CYP46A1: variants seen among roughly 807,000 people sequenced by gnomAD.
CYP46A1 encodes the protein cholesterol 24-hydroxylase.
In CYP46A1, 20 loss-of-function variants were observed where a neutral mutation model predicts 63.3. The observed-to-expected ratio is 0.32, with a 90% CI of 0.22 to 0.46. CYP46A1 has a LOEUF of 0.46. Ranked by LOEUF, CYP46A1 falls within the 20% of genes least tolerant of loss-of-function variation. CYP46A1 has a pLI of 1.00. For synonymous variants in CYP46A1, 268 were observed against 273.6 expected, an observed-to-expected ratio of 0.98 and a Z score of 0.20; for missense variants, 445 against 670.8, an observed-to-expected ratio of 0.66 and a Z score of 3.72.
At position 99,725,505 on chromosome 14, in the gene CYP46A1, G is replaced by T; in HGVS notation, c.1265+26G>T. 1.3e-6 allele frequency: 2 copies of T among 1,571,420 alleles called. No individual in the cohort carries two copies. Among genetic ancestry groups the T allele is most frequent in the Non-Finnish European group, 1.8e-6 (2 of 1,141,112 alleles). Reference sequence around the variant, plus strand: ...GTAAGTCCCTCCTGGAGCTGCCCATGAGTGGGGCTGGCGGGAGAAGGACAG... The same window carrying T: ...GTAAGTCCCTCCTGGAGCTGCCCATTAGTGGGGCTGGCGGGAGAAGGACAG... On this transcript the variant is annotated intron_variant, in intron 13 of 14. Coordinates refer to ENST00000261835, the MANE Select transcript of CYP46A1 (RefSeq NM_006668.2). This position sits in a 1 kb window ranked among gnomAD's most constrained non-coding sequence, Gnocchi z 4.2.
chr14:99,715,299 A>T (rs747299660), intron 7 of CYP46A1, among the ~76,000 whole-genome samples: 1 of 152,214 alleles, frequency 6.6e-6, no homozygotes, highest in Non-Finnish European at 1.5e-5. Flanking sequence ...ATAGATTTTT[A>T]AAAAGATGGC....
Position 99,706,654 on chromosome 14 carries a change from G to A in CYP46A1, c.451G>A (p.Val151Ile). ...IDLAFSRSSL[V>I]SLMETFNEKA... Reference sequence around the variant, plus strand: ...CCTGTGCTGTTTCTCCAGCTCCTTGGTTAGCTTAATGGAAACATTCAACGA... The same window carrying A: ...CCTGTGCTGTTTCTCCAGCTCCTTGATTAGCTTAATGGAAACATTCAACGA... Residue 151 changes from valine to isoleucine, a missense_variant, in exon 6 of 15, where the codon GTT (valine) becomes ATT (isoleucine). Coordinates refer to ENST00000261835, the MANE Select transcript of CYP46A1 (RefSeq NM_006668.2). 3.1e-6 allele frequency: 5 copies of A among 1,613,884 alleles called. No individual in the cohort carries two copies. The highest frequency in any genetic ancestry group is 4.2e-6 in the Non-Finnish European group (5 of 1,179,994).
chr14:99,726,793 G>A lies in CYP46A1; in HGVS notation c.*66G>A, dbSNP rs1595212546. 5.3e-6 allele frequency: 7 copies of A among 1,319,000 alleles called. No individual in the cohort carries two copies. Among genetic ancestry groups the A allele is most frequent in the South Asian group, 3.2e-5 (2 of 63,272 alleles). 81.7% of individuals were successfully genotyped at this position (1,319,000 alleles called of 1,614,324 possible). A position where few individuals can be genotyped will look rare whatever the true frequency, so the allele number is the denominator to read the frequency against. On this transcript the variant is annotated 3_prime_UTR_variant, in exon 15 of 15. Coordinates refer to ENST00000261835, the MANE Select transcript of CYP46A1 (RefSeq NM_006668.2). ...GTGCCCGCCCACCTCTGCTGCCCAC[G>A]GCCACCCACCCTTCTCCCCTGCCCC...
At chr14:99,713,594 C>G (rs1432693001) in intron 7 of CYP46A1, among the ~76,000 whole-genome samples, 1 of 151,798 alleles carries the variant, frequency 6.6e-6, no homozygotes, top group African/African-American at 2.4e-5. Flanking sequence ...AATAGACAAA[C>G]GTGGCCAGGC....
chr14:99,710,324 T>C (rs1451164725), intron 7 of CYP46A1: 1 of 152,150 alleles, frequency 6.6e-6, no homozygotes, highest in Admixed American at 6.5e-5. Context: ...AGTAAGTCCT[T>C]ACCTATCAAT....
chr14:99,723,293 C>T (rs2056866220), intron 12 of CYP46A1, among the ~76,000 whole-genome samples: 1 of 152,170 alleles, frequency 6.6e-6, no homozygotes, highest in Non-Finnish European at 1.5e-5. Flanking sequence ...TTACGGCATA[C>T]ATTTATTTAC....
chr14:99,712,347 C>T (rs1409183548), intron 7 of CYP46A1: 1 of 152,140 alleles, frequency 6.6e-6, no homozygotes. Flanking sequence ...AAGAAGAAGT[C>T]AAACTGTCCC....
intron 3 of CYP46A1, among the ~76,000 whole-genome samples, chr14:99,696,607 G>C (rs1472750007): frequency 6.6e-6 from 1 of 152,004 alleles, no homozygotes; most frequent in Non-Finnish European, 1.5e-5. Flanking sequence ...TTTATTTGCT[G>C]TACTTTTCTT....
intron 5 of CYP46A1, among the ~76,000 whole-genome samples, chr14:99,702,965 C>T (rs1295734715): frequency 6.6e-6 from 1 of 152,162 alleles, no homozygotes; most frequent in Non-Finnish European, 1.5e-5. Context: ...ACTTTAGCCC[C>T]CTTTATTCTA....
At chr14:99,687,149 C>A (rs1375134441) in intron 1 of CYP46A1, among the ~76,000 whole-genome samples, 4 of 152,154 alleles carry the variant, frequency 2.6e-5, no homozygotes, top group Non-Finnish European at 5.9e-5. Flanking sequence ...GCTTTTCTTA[C>A]CACATCCTAC....
At chr14:99,724,435 T>C (rs1212902961) in intron 12 of CYP46A1, among the ~76,000 whole-genome samples, 1 of 152,156 alleles carries the variant, frequency 6.6e-6, no homozygotes, top group Non-Finnish European at 1.5e-5. Context: ...CCTGTACCAA[T>C]ACCACTGTGC....
chr14:99,715,016 A>T (rs1595200909), intron 7 of CYP46A1, among the ~76,000 whole-genome samples: 1 of 152,218 alleles, frequency 6.6e-6, no homozygotes, highest in East Asian at 1.9e-4. Flanking sequence ...GAGTGGGGGG[A>T]TGAAGAGAAG....
chr14:99,707,515 A>T, intron 6 of CYP46A1, 53 bp from the exon 7 acceptor site: 2 of 1,473,698 alleles, frequency 1.4e-6, no homozygotes, highest in Non-Finnish European at 1.9e-6. Flanking sequence ...TTTGCCCTGG[A>T]TCTGCTGCCC....
chr14:99,718,594 C>T (rs1327922701), intron 10 of CYP46A1, among the ~76,000 whole-genome samples: 1 of 152,134 alleles, frequency 6.6e-6, no homozygotes, highest in African/African-American at 2.4e-5. Context: ...AGGAGGGTGT[C>T]CCTGGGGAGG....
At chr14:99,687,659 C>G (rs1300022075) in intron 1 of CYP46A1, among the ~76,000 whole-genome samples, 2 of 152,246 alleles carry the variant, frequency 1.3e-5, no homozygotes, top group Admixed American at 1.3e-4. Context: ...GGCCTCTCCT[C>G]GTTCACTGGC....
At position 99,721,297 on chromosome 14, in the gene CYP46A1, C is replaced by T. The variant is rs778862126; in HGVS notation, c.1039C>T (p.Leu347=). 5.6e-6 allele frequency: 9 copies of T among 1,613,410 alleles called. No individual in the cohort carries two copies. Among genetic ancestry groups the T allele is most frequent in the Non-Finnish European group, 7.6e-6 (9 of 1,179,342 alleles). The change falls in exon 11 of 15, where the codon CTG becomes TTG. Residue 347 remains leucine (L), a synonymous_variant. Transcript: ENST00000261835. ...GSKRYLDFED[L]GRLQYLSQVL... is the part of the protein sequence containing the mutation. The stretch of plus-strand genomic sequence containing the variant: ...TAAGAGGTACCTGGATTTCGAGGAC[C>T]TGGGGAGACTGCAGTACCTGTCCCA...
Position 99,721,299 on chromosome 14 carries a change from G to A in CYP46A1, c.1041G>A (p.Leu347=). 1 of 1,613,162 alleles carries A rather than the reference G, an allele frequency of 6.2e-7. No homozygotes were observed. The highest frequency in any genetic ancestry group is 8.5e-7 in the Non-Finnish European group (1 of 1,179,102). ...AGAGGTACCTGGATTTCGAGGACCT[G>A]GGGAGACTGCAGTACCTGTCCCAGG... ...GSKRYLDFED[L]GRLQYLSQVL... is the part of the protein sequence containing the mutation. The change falls in exon 11 of 15, where the codon CTG becomes CTA. Residue 347 remains leucine, a synonymous_variant. Transcript: ENST00000261835.
At chr14:99,690,158 G>A (rs979167475) in intron 1 of CYP46A1, among the ~76,000 whole-genome samples, 27 of 152,162 alleles carry the variant, frequency 1.8e-4, no homozygotes, top group African/African-American at 5.6e-4. Context: ...GGGACACTGC[G>A]TGCCCTGCCT....
In CYP46A1 at chr14:99,727,049, ACCT is replaced by A. The variant is rs893513303; in HGVS notation, c.*328_*330del. On this transcript the variant is annotated 3_prime_UTR_variant, in exon 15 of 15. Transcript: ENST00000261835. ...CTCCCTAAAGCCCTCTTCAGGGGTC[ACCT>A]CCTCCAAGAAGCCCTCCTTGCCACC... is the stretch of plus-strand genomic sequence containing the variant. 7.9e-5 allele frequency: 25 copies of A among 317,062 alleles called. No homozygotes were observed. The highest frequency in any genetic ancestry group is 4.1e-4 in the African/African-American group (19 of 46,728). The allele number at this position is 317,062 out of a possible 1,614,324, so 19.6% of individuals were successfully genotyped here.
Sources: allele counts gnomAD v4.1 joint callset (sites outside exome capture counted in the v4.1 genomes callset), GRCh38; gene constraint gnomAD v4.1.1; non-coding constraint Gnocchi (gnomAD v3.1); transcripts MANE v1.5; gene names NCBI Gene and HGNC (gene_info 2026-07-23, HGNC 2026-07-21).